The following DLG2 variants were observed in gnomAD, a reference collection of about 807,000 sequenced individuals.
DLG2 encodes the protein discs large MAGUK scaffold protein 2.
A neutral mutation model predicts 132.5 loss-of-function variants in DLG2; 45 were observed. That is an observed-to-expected ratio of 0.34 (90% CI 0.27 to 0.44). The LOEUF (loss-of-function observed/expected upper bound fraction) is 0.44, where lower values mean the gene tolerates loss of function less well. Among genes scored for constraint, DLG2 ranks in the 20% least tolerant of loss-of-function variants. The pLI is 1.00. For synonymous variants in DLG2, 424 were observed against 419.6 expected (o/e 1.01, Z -0.13); for missense variants, 1,045 against 1,196.9 (o/e 0.87, Z 1.87).
At chr11:85,566,623 C>T (rs1213226866) in intron 3 of DLG2, among the ~76,000 whole-genome samples, 1 of 152,062 alleles carries the variant, frequency 6.6e-6, no homozygotes, top group Non-Finnish European at 1.5e-5. Flanking sequence ...AGAGAGTTCC[C>T]ATGGTCCCAT....
chr11:85,490,901 G>A (rs2093544263), intron 3 of DLG2, among the ~76,000 whole-genome samples: 1 of 152,018 alleles, frequency 6.6e-6, no homozygotes, highest in South Asian at 2.1e-4. Context: ...AAAAAGGGAA[G>A]AATTATCCCG....
chr11:85,405,550 T>A (rs2088642496), intron 3 of DLG2, among the ~76,000 whole-genome samples: 1 of 151,996 alleles, frequency 6.6e-6, no homozygotes, highest in South Asian at 2.1e-4. Flanking sequence ...ACTGACTGCT[T>A]ACCATCCACC....
In DLG2 at chr11:84,197,189, T is replaced by C. The variant is rs555494110; in HGVS notation, c.574-33678A>G. Among the ~76,000 whole-genome samples the C allele has an allele frequency of 3.0e-4, 46 of 152,116 alleles. No individual in the cohort carries two copies. The East Asian group carries it at 4.4e-3, about 15-fold the overall frequency. ...GCTATGACCCAAGGTATATTAAATA[T>C]ACAGGAGAAGTGAAGGTTGATTTCC... On this transcript the variant is annotated intron_variant, in intron 8 of 27. Transcript: ENST00000376104.
intron 6 of DLG2, among the ~76,000 whole-genome samples, chr11:84,809,181 G>A (rs1344660200): frequency 1.3e-5 from 2 of 151,844 alleles, no homozygotes; most frequent in Non-Finnish European, 2.9e-5. Context: ...CTAAAGAAGA[G>A]CAACCACATA....
chr11:84,930,109 G>A (rs910937661), intron 6 of DLG2, among the ~76,000 whole-genome samples: 7 of 152,122 alleles, frequency 4.6e-5, no homozygotes, highest in African/African-American at 1.7e-4. Flanking sequence ...CCTTCAGGGA[G>A]TGACCATCTC....
intron 21 of DLG2, among the ~76,000 whole-genome samples, chr11:83,488,884 A>G (rs1454929351): frequency 1.3e-5 from 2 of 152,086 alleles, no homozygotes; most frequent in East Asian, 3.8e-4. Context: ...AACTTTGAAA[A>G]CAAGTGAGGT....
rs372139475 is a variant in DLG2, at chr11:84,977,824, T to C, written c.357+133837A>G. Among the ~76,000 whole-genome samples the C allele has an allele frequency of 1.1e-4, 17 of 152,308 alleles. No homozygotes were observed. In the South Asian group the frequency reaches 3.5e-3, roughly 32 times the overall value. On this transcript the variant is annotated intron_variant, in intron 6 of 27. Coordinates refer to ENST00000376104, the MANE Select transcript of DLG2 (RefSeq NM_001142699.3). ...AATATTTTGTACCTGGGGGGTGCCA[T>C]GATGGAGATTTGTATCATTTACTCT... is the stretch of plus-strand genomic sequence containing the variant.
intron 14 of DLG2, among the ~76,000 whole-genome samples, chr11:83,944,251 A>T (rs2514154): frequency 0.14 from 21,781 of 152,202 alleles, 1,863 homozygotes; most frequent in East Asian, 0.31. Flanking sequence ...ATGCTCTTTT[A>T]AAGTCTCAGA....
chr11:85,161,539 G>A (rs1420260812), intron 4 of DLG2, among the ~76,000 whole-genome samples: 1 of 152,208 alleles, frequency 6.6e-6, no homozygotes. Context: ...AGTTACTCCG[G>A]ATATGGGTTT....
At chr11:85,107,172 G>A (rs1015693691) in intron 6 of DLG2, among the ~76,000 whole-genome samples, 2 of 151,932 alleles carry the variant, frequency 1.3e-5, no homozygotes, top group Admixed American at 1.3e-4. Flanking sequence ...ATATAGCAAT[G>A]TCTATGATAA....
intron 6 of DLG2, among the ~76,000 whole-genome samples, chr11:84,916,189 CAAAA>C (rs953763741): frequency 6.8e-6 from 1 of 146,308 alleles, no homozygotes; most frequent in Non-Finnish European, 1.5e-5. Flanking sequence ...ACTAAAAATA[CAAAA>C]AAAAAATTAG....
chr11:84,166,271 G>A (rs1823844), intron 8 of DLG2, among the ~76,000 whole-genome samples: 129,666 of 152,066 alleles, frequency 0.85, 55,603 homozygotes, highest in Middle Eastern at 0.93. Context: ...TGGGAGGCAG[G>A]AGCAGGCGGA....
At chr11:83,963,275 G>A (rs2089329651) in intron 13 of DLG2, among the ~76,000 whole-genome samples, 1 of 151,962 alleles carries the variant, frequency 6.6e-6, no homozygotes, top group Non-Finnish European at 1.5e-5. Context: ...GTGAAGAGAA[G>A]AACTGGAGAA....
intron 11 of DLG2, among the ~76,000 whole-genome samples, chr11:84,046,640 C>T (rs2096248723): frequency 6.6e-6 from 1 of 151,470 alleles, no homozygotes; most frequent in African/African-American, 2.4e-5. Flanking sequence ...TTTTTCTTAA[C>T]TACTCTTTCT....
At chr11:83,698,189 C>G (rs1392527674) in intron 18 of DLG2, among the ~76,000 whole-genome samples, 1 of 152,150 alleles carries the variant, frequency 6.6e-6, no homozygotes, top group African/African-American at 2.4e-5. Context: ...TGGCATATAA[C>G]AAGTATGGTG....
At chr11:84,005,292 T>G (rs1367749067) in intron 11 of DLG2, among the ~76,000 whole-genome samples, 1 of 151,756 alleles carries the variant, frequency 6.6e-6, no homozygotes, top group Non-Finnish European at 1.5e-5. Flanking sequence ...ATATTGGATA[T>G]CCACATGCAA....
intron 3 of DLG2, among the ~76,000 whole-genome samples, chr11:85,445,847 T>C (rs2091984933): frequency 6.6e-6 from 1 of 152,210 alleles, no homozygotes; most frequent in African/African-American, 2.4e-5. Flanking sequence ...AATTTTGGGA[T>C]TGATGAAACC....
At chr11:84,237,801 G>C (rs1003483949) in intron 8 of DLG2, among the ~76,000 whole-genome samples, 11 of 152,062 alleles carry the variant, frequency 7.2e-5, no homozygotes, top group Admixed American at 2.0e-4. Context: ...ACTTTGGGAG[G>C]CTGAAGCAGG....
intron 16 of DLG2, among the ~76,000 whole-genome samples, chr11:83,860,805 G>A (rs185650874): frequency 6.6e-6 from 1 of 152,260 alleles, no homozygotes; most frequent in Admixed American, 6.5e-5. Flanking sequence ...TTCTGGGAGG[G>A]ACCCTGTGGG....
Sources: allele counts gnomAD v4.1 joint callset (sites outside exome capture counted in the v4.1 genomes callset), GRCh38; gene constraint gnomAD v4.1.1; transcripts MANE v1.5; gene names NCBI Gene and HGNC (gene_info 2026-07-23, HGNC 2026-07-21).